Variants in CHD7 observed in about 807,000 individuals in gnomAD.
CHD7 encodes ATP-dependent chromatin remodeler CHD7.
Under a neutral mutation model 307.3 loss-of-function variants are expected in CHD7, and 24 were observed. The ratio of observed to expected loss-of-function variants is 0.08; its 90% CI spans 0.06 to 0.11. CHD7 has a LOEUF of 0.11. Among genes scored for constraint, CHD7 ranks in the 10% least tolerant of loss-of-function variants. The probability of loss-of-function intolerance (pLI) is 1.00; values close to 1 mark genes in which losing one functional copy is unlikely to be tolerated. For missense variants in CHD7, 3,106 were observed against 3,727.1 expected, an observed-to-expected ratio of 0.83 and a Z score of 4.34; for synonymous variants, 1,363 against 1,349.9, an observed-to-expected ratio of 1.01 and a Z score of -0.21.
chr8:60,746,767 A>G (rs1306349506), intron 2 of CHD7, among the ~76,000 whole-genome samples: 2 of 152,254 alleles, frequency 1.3e-5, no homozygotes, highest in Admixed American at 6.5e-5. Flanking sequence ...ATGTTAGAAC[A>G]AAAAGGCCAC....
At chr8:60,830,663 G>T (rs1804468178) in intron 15 of CHD7, 86 bp downstream of exon 15, 2 of 1,457,586 alleles carry the variant, frequency 1.4e-6, no homozygotes, top group Non-Finnish European at 1.9e-6. Context: ...GGATTTCATG[G>T]TGTATAGTCA....
chr8:60,792,004 A>T (rs1043940965), intron 3 of CHD7, among the ~76,000 whole-genome samples: 1 of 152,204 alleles, frequency 6.6e-6, no homozygotes, highest in Non-Finnish European at 1.5e-5. Context: ...ATGGGTGTGG[A>T]TGTTAACTAT....
At chr8:60,773,394 C>A (rs540428713) in intron 2 of CHD7, among the ~76,000 whole-genome samples, 3 of 152,206 alleles carry the variant, frequency 2.0e-5, no homozygotes, top group Non-Finnish European at 4.4e-5. Context: ...GTAAAAACAT[C>A]ATTCAAGTCT....
intron 3 of CHD7, among the ~76,000 whole-genome samples, chr8:60,786,602 C>T (rs761313934): frequency 3.9e-5 from 6 of 152,166 alleles, no homozygotes; most frequent in East Asian, 1.9e-4. Flanking sequence ...GGCCGTGAGC[C>T]GCAGTGGGAT....
At position 60,852,892 on chromosome 8, in the gene CHD7, A is replaced by C. The variant is rs1189776580; in HGVS notation, c.6167A>C (p.Tyr2056Ser). Residue 2056 changes from tyrosine to serine, a missense_variant, in exon 31 of 38, where the codon TAC (tyrosine) becomes TCC (serine). Tyr to Ser is a moderately radical substitution (Grantham distance 144). Around this residue, in one of 10 missense-constraint regions of CHD7, gnomAD observed 1,030 missense variants for 1,165.4 expected, o/e 0.88. Transcript: ENST00000423902. ...ITEERASRTLYRIELLRKIRE... is the reference protein window; with the variant it reads ...ITEERASRTLSRIELLRKIRE... ...GAGGAGCGAGCCTCTCGAACTCTGT[A>C]CCGCATTGAGCTGCTACGGAAGATC... is the stretch of plus-strand genomic sequence containing the variant. 1.9e-6 allele frequency: 3 copies of C among 1,613,860 alleles called. No individual in the cohort carries two copies. The highest frequency in any genetic ancestry group is 1.3e-5 in the African/African-American group (1 of 74,928).
intron 1 of CHD7, among the ~76,000 whole-genome samples, chr8:60,723,385 T>C (rs550343779): frequency 1.2e-4 from 18 of 152,272 alleles, no homozygotes; most frequent in African/African-American, 4.3e-4. Context: ...AAACTGGTGG[T>C]CTTTGAAAAA....
Position 60,678,773 on chromosome 8 carries a change from G to GGCGGCGGCGGCGGCGGCGGCGGCGGCA in CHD7, c.-467_-466insGGCGGCGGCAGCGGCGGCGGCGGCGGC. ...GCTGGCGTGCTGGGGCCGCGGCGGCGGCGGCGGCGGCGGCGGCAGCGGCGG... is the reference window on the plus strand; with the variant it reads ...GCTGGCGTGCTGGGGCCGCGGCGGCGGCGGCGGCGGCGGCGGCGGCGGCGGCAGCGGCGGCGGCGGCGGCAGCGGCGG... On this transcript the variant is annotated 5_prime_UTR_variant, in exon 1 of 38. Coordinates refer to ENST00000423902, the MANE Select transcript of CHD7 (RefSeq NM_017780.4). The GGCGGCGGCGGCGGCGGCGGCGGCGGCA allele has an allele frequency of 7.0e-6, 1 of 142,626 alleles. No individual in the cohort carries two copies. The highest frequency in any genetic ancestry group is 1.9e-4 in the South Asian group (1 of 5,272). 8.8% of individuals were successfully genotyped at this position (142,626 alleles called of 1,614,324 possible). A position where few individuals can be genotyped will look rare whatever the true frequency, so the allele number is the denominator to read the frequency against.
intron 2 of CHD7, among the ~76,000 whole-genome samples, chr8:60,766,064 C>T (rs1440588517): frequency 6.6e-6 from 1 of 152,230 alleles, no homozygotes; most frequent in African/African-American, 2.4e-5. Flanking sequence ...ATGAATAATA[C>T]AGTGCACACC....
rs1806181643 is a variant in CHD7 at position 60,865,170 on chromosome 8, T to C, written c.8231T>C (p.Leu2744Ser). 6.2e-7 allele frequency: 1 copy of C among 1,612,274 alleles called. No homozygotes were observed. Among genetic ancestry groups the C allele is most frequent in the African/African-American group, 1.3e-5 (1 of 75,024 alleles). ...GCCTCCACGTCAGGGATCAACCCTT[T>C]GCTGGTGAACAGCCTGTTTGCTGGA... ...AVASTSGINP[L>S]LVNSLFAGMD... The change falls in exon 38 of 38, where the codon TTG becomes TCG. Residue 2744 changes from leucine (L) to serine (S), a missense_variant. Physicochemically the swap from Leu to Ser is moderately radical, Grantham distance 145. Around this residue, in one of 10 missense-constraint regions of CHD7, gnomAD observed 351 missense variants for 366.2 expected, o/e 0.96. Transcript: ENST00000423902. This position sits in a 1 kb window ranked among gnomAD's most constrained non-coding sequence, Gnocchi z 4.3.
At chr8:60,821,723 C>CAT (rs1804050239) in intron 9 of CHD7, 67 bp from the exon 10 acceptor site, 1 of 1,296,444 alleles carries the variant, frequency 7.7e-7, no homozygotes. Context: ...TATATATACA[C>CAT]ATATATATGT....
intron 2 of CHD7, among the ~76,000 whole-genome samples, chr8:60,778,736 G>A (rs367736111): frequency 3.8e-4 from 58 of 152,082 alleles, no homozygotes; most frequent in African/African-American, 1.2e-3. Context: ...TTTGATCTCC[G>A]TGTCCTGTGC....
rs553548797 is a variant in CHD7, at chr8:60,865,322, G to A, written c.8383G>A (p.Val2795Met). The change falls in exon 38 of 38, where the codon GTG (valine) becomes ATG (methionine). Residue 2795 changes from valine to methionine, a missense_variant. Transcript: ENST00000423902. This position sits in a 1 kb window ranked among gnomAD's most constrained non-coding sequence, Gnocchi z 4.3. ...AGGDAKNPAA[V>M]LPLMLPGMAG... The stretch of plus-strand genomic sequence containing the variant: ...AGGCGATGCGAAGAACCCTGCTGCT[G>A]TGCTGCCCCTGATGCTGCCAGGAAT... The A allele has an allele frequency of 6.8e-6, 11 of 1,611,950 alleles. No homozygotes were observed. Among genetic ancestry groups the A allele is most frequent in the African/African-American group, 4.0e-5 (3 of 74,904 alleles).
intron 2 of CHD7, among the ~76,000 whole-genome samples, chr8:60,779,553 C>CA (rs565845926): frequency 5.1e-4 from 78 of 152,298 alleles, no homozygotes; most frequent in Middle Eastern, 3.4e-3. Context: ...ACACATCTAG[C>CA]AAACATAACC....
intron 1 of CHD7, among the ~76,000 whole-genome samples, chr8:60,692,921 C>T (rs915390177): frequency 6.6e-6 from 1 of 152,212 alleles, no homozygotes; most frequent in African/African-American, 2.4e-5. Flanking sequence ...TCTTATTTCT[C>T]GTATCTCCCC....
intron 2 of CHD7, among the ~76,000 whole-genome samples, chr8:60,767,347 T>G: frequency 6.6e-6 from 1 of 152,300 alleles, no homozygotes; most frequent in South Asian, 2.1e-4. Flanking sequence ...TAGAAGGATG[T>G]GCAGCAGGAA....
At chr8:60,794,201 G>A (rs1030084273) in intron 3 of CHD7, among the ~76,000 whole-genome samples, 1 of 152,118 alleles carries the variant, frequency 6.6e-6, no homozygotes, top group African/African-American at 2.4e-5. Flanking sequence ...GTCAGGTAAA[G>A]GTTCTAGAGG....
chr8:60,848,490 T>G, intron 23 of CHD7, 25 bp from the exon 24 acceptor site: 4 of 1,580,582 alleles, frequency 2.5e-6, no homozygotes, highest in Non-Finnish European at 2.6e-6. Flanking sequence ...TAAGAACTTT[T>G]TCCCCCCTCT....
Position 60,808,385 on chromosome 8 carries a change from A to G in CHD7, c.2498+113A>G, listed in dbSNP as rs189073534. 6.9e-4 allele frequency: 492 copies of G among 716,612 alleles called. 2 individuals carry two copies. In the East Asian group the frequency reaches 0.012, roughly 18 times the overall value. The allele number at this position is 716,612 out of a possible 1,614,324, so 44.4% of individuals were successfully genotyped here. ...AAACTTTGGTATGATTTCTTTAGTCATCATGGCCTGGGAGGCCATTTTTTA... is the reference window on the plus strand; with the variant it reads ...AAACTTTGGTATGATTTCTTTAGTCGTCATGGCCTGGGAGGCCATTTTTTA... On this transcript the variant is annotated intron_variant, in intron 7 of 37. Transcript: ENST00000423902.
chr8:60,806,695 G>A (rs182826763), intron 6 of CHD7, among the ~76,000 whole-genome samples: 199 of 152,132 alleles, frequency 1.3e-3, no homozygotes, highest in African/African-American at 4.7e-3. Context: ...TTCTAGACAG[G>A]CCAAAACTGT....
Sources: gnomAD v4.1 joint callset for allele counts (sites outside exome capture counted in the v4.1 genomes callset) on GRCh38, gnomAD v4.1.1 for gene constraint, gnomAD v4.1.1 regional missense constraint, Gnocchi (gnomAD v3.1) non-coding constraint, MANE v1.5 for transcripts, NCBI Gene and HGNC (gene_info 2026-07-23, HGNC 2026-07-21) for gene names.